OXCT1: variants seen among roughly 807,000 people sequenced by gnomAD.
OXCT1 encodes the protein succinyl-CoA:3-ketoacid coenzyme A transferase 1, mitochondrial.
A neutral mutation model predicts 69.6 loss-of-function variants in OXCT1; 27 were observed. The observed-to-expected ratio is 0.39, with a 90% CI of 0.29 to 0.54. The LOEUF (loss-of-function observed/expected upper bound fraction) is 0.54, where lower values mean the gene tolerates loss of function less well. Ranked by LOEUF, OXCT1 falls within the 20% of genes least tolerant of loss-of-function variation. The pLI, the probability that OXCT1 is intolerant of heterozygous loss-of-function variation, is 0.72. For synonymous variants in OXCT1, 202 were observed against 217.8 expected (o/e 0.93, Z 0.64); for missense variants, 437 against 650.2 (o/e 0.67, Z 3.57).
chr5:41,788,516 A>G lies in OXCT1; in HGVS notation c.1248+5487T>C, dbSNP rs1443934441. 2.0e-5 allele frequency among the ~76,000 whole-genome samples: 3 copies of G among 152,214 alleles called. No individual in the cohort carries two copies. The East Asian group carries it at 5.8e-4, about 29-fold the overall frequency. ...AGAAGAATGGAGAAACATACTTTGA[A>G]GAGTGACTATATCAGCATCAGACAG... On this transcript the variant is annotated intron_variant, in intron 13 of 16. Coordinates refer to ENST00000196371, the MANE Select transcript of OXCT1 (RefSeq NM_000436.4).
intron 16 of OXCT1, among the ~76,000 whole-genome samples, chr5:41,733,017 A>G (rs1185472543): frequency 6.6e-6 from 1 of 152,178 alleles, no homozygotes; most frequent in Non-Finnish European, 1.5e-5. Context: ...GTTCAGCATG[A>G]TTTGGTATAT....
At chr5:41,820,902 G>T (rs1008206264) in intron 7 of OXCT1, among the ~76,000 whole-genome samples, 1 of 152,058 alleles carries the variant, frequency 6.6e-6, no homozygotes, top group Non-Finnish European at 1.5e-5. Context: ...CCATACACTC[G>T]CAGCAAACCA....
intron 14 of OXCT1, among the ~76,000 whole-genome samples, chr5:41,750,885 A>G (rs1270777654): frequency 6.6e-6 from 1 of 152,150 alleles, no homozygotes; most frequent in Non-Finnish European, 1.5e-5. Flanking sequence ...TGGGAAGAGA[A>G]ACAGAGGTAA....
intron 3 of OXCT1, among the ~76,000 whole-genome samples, chr5:41,854,088 T>A (rs1227666358): frequency 1.3e-5 from 2 of 152,150 alleles, no homozygotes; most frequent in East Asian, 3.9e-4. Context: ...CATTGAAATG[T>A]GGACCCAAAT....
chr5:41,745,198 T>C (rs1417524796), intron 15 of OXCT1, among the ~76,000 whole-genome samples: 1 of 151,414 alleles, frequency 6.6e-6, no homozygotes, highest in Non-Finnish European at 1.5e-5. Context: ...TATAACAAAC[T>C]GTCTCTCAGA....
chr5:41,823,256 G>A (rs773475121), intron 7 of OXCT1, among the ~76,000 whole-genome samples: 4 of 152,104 alleles, frequency 2.6e-5, no homozygotes, highest in Non-Finnish European at 4.4e-5. Context: ...AACGCTCTGG[G>A]TATATTTCAA....
chr5:41,802,232 C>T lies in OXCT1; in HGVS notation c.1050+837G>A, dbSNP rs550560740. ...ATTGCCTCAATCAGTATCAACTATACGCTCAGGATCATTATTTATTTTGAA... is the reference window on the plus strand; with the variant it reads ...ATTGCCTCAATCAGTATCAACTATATGCTCAGGATCATTATTTATTTTGAA... On this transcript the variant is annotated intron_variant, in intron 10 of 16. Transcript: ENST00000196371. Among the ~76,000 whole-genome samples the T allele has an allele frequency of 1.5e-4, 23 of 152,160 alleles. No individual in the cohort carries two copies. In the South Asian group the frequency reaches 2.7e-3, roughly 18 times the overall value.
At chr5:41,805,771 G>A in intron 8 of OXCT1, 90 bp from the exon 9 acceptor site, 1 of 839,828 alleles carries the variant, frequency 1.2e-6, no homozygotes, top group Non-Finnish European at 2.0e-6. Context: ...AAAAAAAGAT[G>A]AGCTCTCTCC....
At chr5:41,812,843 A>T (rs1747051514) in intron 7 of OXCT1, among the ~76,000 whole-genome samples, 1 of 152,056 alleles carries the variant, frequency 6.6e-6, no homozygotes, top group Non-Finnish European at 1.5e-5. Flanking sequence ...TCTATATCCC[A>T]GGACCCTTAA....
intron 7 of OXCT1, among the ~76,000 whole-genome samples, chr5:41,818,195 A>T (rs1325886870): frequency 2.6e-5 from 4 of 152,196 alleles, no homozygotes; most frequent in Non-Finnish European, 5.9e-5. Context: ...GAAGACAGGT[A>T]ACCAGAGTAT....
rs745451030 is a variant in OXCT1, at chr5:41,840,469, T to C, written c.714A>G (p.Ala238=). 2.5e-6 allele frequency: 4 copies of C among 1,613,098 alleles called. No individual in the cohort carries two copies. The highest frequency in any genetic ancestry group is 1.7e-6 in the Non-Finnish European group (2 of 1,179,214). ...CTCTTACCTCTACCACTGTGGTTTCTGCAGCTTTGCACATTGGCAAGTTGA... is the reference window on the plus strand; with the variant it reads ...CTCTTACCTCTACCACTGTGGTTTCCGCAGCTTTGCACATTGGCAAGTTGA... ...RNFNLPMCKA[A]ETTVVEVEEI... is the part of the protein sequence containing the mutation. The change falls in exon 7 of 17, where the codon GCA becomes GCG. Residue 238 remains alanine, a synonymous_variant. Coordinates refer to ENST00000196371, the MANE Select transcript of OXCT1 (RefSeq NM_000436.4).
chr5:41,817,259 GA>G (rs768186831), intron 7 of OXCT1, among the ~76,000 whole-genome samples: 3 of 152,046 alleles, frequency 2.0e-5, no homozygotes, highest in Non-Finnish European at 2.9e-5. Context: ...ATGATATAAA[GA>G]AAGTACTGGA....
Position 41,762,466 on chromosome 5 carries a change from T to TA in OXCT1, c.1249-267dup, listed in dbSNP as rs913261550. On this transcript the variant is annotated intron_variant, in intron 13 of 16. Transcript: ENST00000196371. The surrounding 1 kb of genome is among the most constrained non-coding windows in gnomAD (Gnocchi z 4.0). ...TTTAGCAATAAGACAATCAGTGGAT[T>TA]AAAAAAAATTAAAAACCTTTCCAGA... is the stretch of plus-strand genomic sequence containing the variant. Among the ~76,000 whole-genome samples, 2 of 151,894 alleles carry TA rather than the reference T, an allele frequency of 1.3e-5. No individual in the cohort carries two copies. Among genetic ancestry groups the TA allele is most frequent in the Non-Finnish European group, 1.5e-5 (1 of 67,952 alleles).
chr5:41,842,847 G>T, intron 5 of OXCT1, 66 bp from the exon 6 acceptor site: 1 of 998,318 alleles, frequency 1.0e-6, no homozygotes, highest in Non-Finnish European at 1.6e-6. Flanking sequence ...GAGGCACTCT[G>T]ATAGAGGTAG....
At chr5:41,739,646 A>G (rs1233116853) in intron 15 of OXCT1, 155 bp from the exon 16 acceptor site, 5 of 626,422 alleles carry the variant, frequency 8.0e-6, no homozygotes, top group African/African-American at 5.4e-5. Context: ...TGGGTGGATC[A>G]CAAGGTCAGG....
intron 2 of OXCT1, 117 bp downstream of exon 2, chr5:41,862,525 T>G (rs1267764411): frequency 3.3e-5 from 22 of 661,620 alleles, no homozygotes; most frequent in Non-Finnish European, 2.5e-5. Flanking sequence ...ATATGTACAA[T>G]AAATAATGCA....
intron 13 of OXCT1, among the ~76,000 whole-genome samples, chr5:41,784,493 T>C (rs1389317096): frequency 1.1e-4 from 16 of 152,254 alleles, no homozygotes; most frequent in Admixed American, 9.8e-4. Context: ...GCTTACAGAA[T>C]GCTATACAGA....
chr5:41,852,728 C>G (rs1170259810), intron 4 of OXCT1, among the ~76,000 whole-genome samples: 1 of 152,184 alleles, frequency 6.6e-6, no homozygotes. Context: ...AAGGGCTTCA[C>G]TCTGAAGTGT....
At chr5:41,791,511 C>T (rs921010678) in intron 13 of OXCT1, among the ~76,000 whole-genome samples, 1 of 152,114 alleles carries the variant, frequency 6.6e-6, no homozygotes, top group East Asian at 1.9e-4. Flanking sequence ...AAAAGCTTTC[C>T]TACAAATAAC....
Sources: allele counts gnomAD v4.1 joint callset (sites outside exome capture counted in the v4.1 genomes callset), GRCh38; gene constraint gnomAD v4.1.1; non-coding constraint Gnocchi (gnomAD v3.1); transcripts MANE v1.5; gene names NCBI Gene and HGNC (gene_info 2026-07-23, HGNC 2026-07-21).